The following MECOM variants were observed in gnomAD, a reference collection of about 807,000 sequenced individuals.
MECOM encodes the protein MDS1 and EVI1 complex locus.
MECOM carries 13 observed loss-of-function variants against 116.3 expected under a neutral mutation model. The observed-to-expected ratio is 0.11, with a 90% CI of 0.07 to 0.18. MECOM has a LOEUF of 0.18. Ranked by LOEUF, MECOM falls within the 10% of genes least tolerant of loss-of-function variation. The pLI, the probability that MECOM is intolerant of heterozygous loss-of-function variation, is 1.00. For missense variants in MECOM, 1,299 were observed against 1,509.0 expected (o/e 0.86, Z 2.31); for synonymous variants, 528 against 535.2 (o/e 0.99, Z 0.19).
At chr3:169,184,922 C>T (rs144745291) in intron 2 of MECOM, among the ~76,000 whole-genome samples, 3 of 152,244 alleles carry the variant, frequency 2.0e-5, no homozygotes, top group African/African-American at 7.2e-5. Context: ...CAGACCATTA[C>T]ATTTGGCAAA....
In MECOM at chr3:169,663,462, CCTCT is replaced by C. The variant is rs1302119652; in HGVS notation, c.-94_-91del. 30 of 1,115,672 alleles carry C rather than the reference CCTCT, an allele frequency of 2.7e-5. No individual in the cohort carries two copies. The African/African-American group carries it at 3.6e-4, about 13-fold the overall frequency. 69.1% of individuals were successfully genotyped at this position (1,115,672 alleles called of 1,614,324 possible). A position where few individuals can be genotyped will look rare whatever the true frequency, so the allele number is the denominator to read the frequency against. Reference sequence around the variant, plus strand: ...CTTTTGCTCTCCCTCTCGCTCCCTCCCTCTCTCTCCTGTCTCTCTCTCTCTCTCT... The same window carrying C: ...CTTTTGCTCTCCCTCTCGCTCCCTCCCTCTCCTGTCTCTCTCTCTCTCTCT... On this transcript the variant is annotated 5_prime_UTR_variant, in exon 1 of 17. Coordinates refer to ENST00000651503, the MANE Select transcript of MECOM (RefSeq NM_004991.4).
chr3:169,274,378 C>T (rs1759336739), intron 2 of MECOM, among the ~76,000 whole-genome samples: 1 of 152,160 alleles, frequency 6.6e-6, no homozygotes, highest in African/African-American at 2.4e-5. Flanking sequence ...TAATGTATAT[C>T]ATGAACTAAG....
chr3:169,399,542 C>T (rs1239659146), intron 1 of MECOM, among the ~76,000 whole-genome samples: 1 of 152,150 alleles, frequency 6.6e-6, no homozygotes, highest in Admixed American at 6.5e-5. Context: ...AATTCTCAAG[C>T]TTGCTGCTTG....
At chr3:169,510,045 T>C (rs537249959) in intron 1 of MECOM, among the ~76,000 whole-genome samples, 4 of 152,328 alleles carry the variant, frequency 2.6e-5, no homozygotes, top group African/African-American at 9.6e-5. Flanking sequence ...AATCCTCTTA[T>C]AGGGTGGGGG....
intron 1 of MECOM, among the ~76,000 whole-genome samples, chr3:169,582,327 G>A (rs1403344772): frequency 1.3e-5 from 2 of 151,950 alleles, no homozygotes; most frequent in Non-Finnish European, 2.9e-5. Flanking sequence ...GAGAATAAAT[G>A]TAGAAAGAAG....
chr3:169,602,780 C>T (rs1365787524), intron 1 of MECOM, among the ~76,000 whole-genome samples: 2 of 152,116 alleles, frequency 1.3e-5, no homozygotes, highest in Admixed American at 1.3e-4. Context: ...CAGAGTCCTC[C>T]CTTCCCCAAT....
At chr3:169,457,580 A>T (rs1362872693) in intron 1 of MECOM, among the ~76,000 whole-genome samples, 2 of 152,348 alleles carry the variant, frequency 1.3e-5, no homozygotes, top group African/African-American at 4.8e-5. Flanking sequence ...ATAGAAGAAA[A>T]AAATGAACCA....
At chr3:169,096,049 A>C (rs1721344336) in intron 12 of MECOM, among the ~76,000 whole-genome samples, 1 of 152,124 alleles carries the variant, frequency 6.6e-6, no homozygotes, top group South Asian at 2.1e-4. Context: ...AAAAAATCAT[A>C]AATTATTTTT....
intron 1 of MECOM, among the ~76,000 whole-genome samples, chr3:169,644,522 G>C (rs896676794): frequency 6.6e-6 from 1 of 152,106 alleles, no homozygotes; most frequent in African/African-American, 2.4e-5. Flanking sequence ...CTCCCAAAGT[G>C]CTGGGATTAT....
chr3:169,336,468 G>C (rs1006104), intron 2 of MECOM, among the ~76,000 whole-genome samples: 1 of 151,834 alleles, frequency 6.6e-6, no homozygotes, highest in African/African-American at 2.4e-5. Context: ...TGAGGATAAT[G>C]TTAAATCTGA....
chr3:169,310,349 T>C (rs1718519874), intron 2 of MECOM, among the ~76,000 whole-genome samples: 1 of 152,218 alleles, frequency 6.6e-6, no homozygotes, highest in Admixed American at 6.5e-5. Flanking sequence ...TTATATTCAA[T>C]TGATCTTATG....
chr3:169,538,165 C>T (rs1759615466), intron 1 of MECOM, among the ~76,000 whole-genome samples: 3 of 152,206 alleles, frequency 2.0e-5, no homozygotes, highest in Admixed American at 2.0e-4. Flanking sequence ...TCAGCCACTT[C>T]TCTGTCCCCA....
At chr3:169,559,044 G>GCTCA (rs1553885894) in intron 1 of MECOM, among the ~76,000 whole-genome samples, 1 of 137,844 alleles carries the variant, frequency 7.3e-6, no homozygotes, top group Admixed American at 7.6e-5. Flanking sequence ...ACACACACAC[G>GCTCA]CGCACACACA....
At chr3:169,484,791 T>C (rs932152943) in intron 1 of MECOM, among the ~76,000 whole-genome samples, 10 of 41,122 alleles carry the variant, frequency 2.4e-4, no homozygotes, top group African/African-American at 6.8e-4. Flanking sequence ...AAATTGCTCA[T>C]CAACACTACA....
Position 169,599,490 on chromosome 3 carries a change from C to T in MECOM, c.37+63846G>A, listed in dbSNP as rs376129843. The stretch of plus-strand genomic sequence containing the variant: ...ATCAAGCCACTGCACTCCAACCTGG[C>T]GACAGAGTGAGACTCTGTCTCAAAA... On this transcript the variant is annotated intron_variant, in intron 1 of 16. Coordinates refer to ENST00000651503, the MANE Select transcript of MECOM (RefSeq NM_004991.4). Among the ~76,000 whole-genome samples the T allele has an allele frequency of 4.3e-5, 6 of 139,526 alleles. No individual in the cohort carries two copies. In the South Asian group the frequency reaches 6.8e-4, roughly 16 times the overall value. The allele number at this position is 139,526 out of a possible 152,430, so 91.5% of individuals were successfully genotyped here.
intron 1 of MECOM, among the ~76,000 whole-genome samples, chr3:169,643,883 C>G (rs1251830272): frequency 6.6e-6 from 1 of 152,108 alleles, no homozygotes; most frequent in African/African-American, 2.4e-5. Context: ...ACTAGAGATA[C>G]TCAACTCTCA....
intron 1 of MECOM, among the ~76,000 whole-genome samples, chr3:169,411,811 C>A (rs1056443118): frequency 2.6e-5 from 4 of 151,984 alleles, no homozygotes; most frequent in Non-Finnish European, 4.4e-5. Flanking sequence ...GCCGACATGG[C>A]GAGACATTGT....
intron 1 of MECOM, among the ~76,000 whole-genome samples, chr3:169,609,062 C>A (rs949410798): frequency 6.6e-6 from 1 of 152,166 alleles, no homozygotes; most frequent in East Asian, 1.9e-4. Context: ...TTTCTGCTGA[C>A]CTTATCGACA....
At chr3:169,296,149 A>T (rs1190496983) in intron 2 of MECOM, among the ~76,000 whole-genome samples, 2 of 152,120 alleles carry the variant, frequency 1.3e-5, no homozygotes, top group African/African-American at 4.8e-5. Context: ...ACCCACATAG[A>T]TGCCTCCCCA....
Sources: gnomAD v4.1 joint callset for allele counts (sites outside exome capture counted in the v4.1 genomes callset) on GRCh38, gnomAD v4.1.1 for gene constraint, MANE v1.5 for transcripts, NCBI Gene and HGNC (gene_info 2026-07-23, HGNC 2026-07-21) for gene names.